CHN1: variants seen among roughly 807,000 people sequenced by gnomAD.
CHN1 encodes chimerin 1.
In CHN1, 37 loss-of-function variants were observed where a neutral mutation model predicts 59.5. The ratio of observed to expected loss-of-function variants is 0.62; its 90% CI spans 0.48 to 0.82. The LOEUF (loss-of-function observed/expected upper bound fraction) is 0.82. Among genes scored for constraint, CHN1 ranks in the 40% least tolerant of loss-of-function variants. The pLI is 0.00. For missense variants in CHN1, 469 were observed against 571.0 expected (o/e 0.82, Z 1.82); for synonymous variants, 206 against 200.4 (o/e 1.03, Z -0.24).
intron 5 of CHN1, among the ~76,000 whole-genome samples, chr2:174,914,506 G>A (rs1415008055): frequency 6.6e-6 from 1 of 152,160 alleles, no homozygotes; most frequent in African/African-American, 2.4e-5. Flanking sequence ...AAACAGGAAA[G>A]AAGGGGTAAG....
chr2:174,895,241 A>C (rs1688185461), intron 5 of CHN1, among the ~76,000 whole-genome samples: 1 of 147,788 alleles, frequency 6.8e-6, no homozygotes, highest in Non-Finnish European at 1.5e-5. Context: ...CACACACACA[A>C]TGGAGTATTA....
intron 6 of CHN1, among the ~76,000 whole-genome samples, chr2:174,851,551 G>T (rs1410916890): frequency 6.6e-6 from 1 of 152,076 alleles, no homozygotes; most frequent in Admixed American, 6.6e-5. Flanking sequence ...CAAAGTGCTG[G>T]GATTATAGGC....
In CHN1 at chr2:174,937,605, C is replaced by T. The variant is rs141649594; in HGVS notation, c.114+7283G>A. Among the ~76,000 whole-genome samples the T allele has an allele frequency of 6.5e-4, 99 of 152,058 alleles. 2 individuals are homozygous for T. The highest frequency in any genetic ancestry group is 3.4e-3 in the Middle Eastern group (1 of 294). ...TCTGATGTGGTTTGGGTGTTTGTTCCCTCCAAATCTCATGTTGAAATATGA... is the reference window on the plus strand; with the variant it reads ...TCTGATGTGGTTTGGGTGTTTGTTCTCTCCAAATCTCATGTTGAAATATGA... On this transcript the variant is annotated intron_variant, in intron 3 of 12. Transcript: ENST00000409900.
intron 6 of CHN1, among the ~76,000 whole-genome samples, chr2:174,873,259 A>G (rs1056142070): frequency 2.6e-5 from 4 of 152,132 alleles, no homozygotes; most frequent in African/African-American, 4.8e-5. Context: ...AACTTGGGGG[A>G]GAGCGAGAAG....
intron 3 of CHN1, among the ~76,000 whole-genome samples, chr2:174,941,430 C>T (rs1689660206): frequency 6.6e-6 from 1 of 152,140 alleles, no homozygotes; most frequent in South Asian, 2.1e-4. Flanking sequence ...CAATTCAAAA[C>T]TAATACCACA....
At chr2:174,947,052 T>C (rs1421751013) in intron 2 of CHN1, among the ~76,000 whole-genome samples, 1 of 152,186 alleles carries the variant, frequency 6.6e-6, no homozygotes, top group Non-Finnish European at 1.5e-5. Flanking sequence ...TGGAAAGTGC[T>C]GCCATCTATG....
At chr2:174,955,826 A>G (rs552122722) in intron 1 of CHN1, among the ~76,000 whole-genome samples, 4 of 152,288 alleles carry the variant, frequency 2.6e-5, no homozygotes, top group South Asian at 4.1e-4. Context: ...CTTCTCACTT[A>G]TAAGTGGAGC....
rs546510295 is a variant in CHN1, at chr2:174,961,661, A to T, written c.20-9459T>A. Among the ~76,000 whole-genome samples the T allele has an allele frequency of 1.4e-3, 208 of 152,186 alleles. 1 individual carries two copies. The highest frequency in any genetic ancestry group is 0.01 in the Middle Eastern group (3 of 294). On this transcript the variant is annotated intron_variant, in intron 1 of 12. Transcript: ENST00000409900. ...AAAAATAATAAGCCTATTATATCTT[A>T]ACATTTTTATGAAAAATAACCATAT...
intron 5 of CHN1, among the ~76,000 whole-genome samples, chr2:174,879,321 T>C (rs913951403): frequency 6.6e-6 from 1 of 152,220 alleles, no homozygotes; most frequent in South Asian, 2.1e-4. Context: ...TTTAAAATAA[T>C]AGCCAGACGA....
At chr2:174,848,222 T>G (rs929112076) in intron 6 of CHN1, among the ~76,000 whole-genome samples, 1 of 152,128 alleles carries the variant, frequency 6.6e-6, no homozygotes, top group Non-Finnish European at 1.5e-5. Context: ...TCAACATTTT[T>G]TTTATTCAGA....
Position 174,855,959 on chromosome 2 carries a change from T to C in CHN1, c.550-9002A>G, listed in dbSNP as rs1686886607. On this transcript the variant is annotated intron_variant, in intron 6 of 12. Transcript: ENST00000409900. ...CTCCTCTAGACTATCCTGCCTCTCA[T>C]ATTATCTGTTATTAACATGCCATTT... Among the ~76,000 whole-genome samples, 3 of 152,270 alleles carry C rather than the reference T, an allele frequency of 2.0e-5. No homozygotes were observed. The South Asian group carries it at 6.2e-4, about 32-fold the overall frequency.
In CHN1 at chr2:174,984,984, A is replaced by G. The variant is rs141037726; in HGVS notation, c.19+19910T>C. Among the ~76,000 whole-genome samples the G allele has an allele frequency of 1.8e-4, 27 of 152,324 alleles. No individual in the cohort carries two copies. The East Asian group carries it at 4.4e-3, about 25-fold the overall frequency. ...CTCTAAAATACATGGTTATAAGCTT[A>G]TATTTAGATTTTTGCAAGTCTTAGG... On this transcript the variant is annotated intron_variant, in intron 1 of 12. Transcript: ENST00000409900.
chr2:174,872,859 A>C (rs1475715472), intron 6 of CHN1, among the ~76,000 whole-genome samples: 3 of 152,180 alleles, frequency 2.0e-5, no homozygotes, highest in Non-Finnish European at 4.4e-5. Flanking sequence ...ATAATTCTTC[A>C]TGCAATGCTT....
At chr2:174,945,909 CTGTG>C (rs10691439) in intron 2 of CHN1, among the ~76,000 whole-genome samples, 1,520 of 149,932 alleles carry the variant, frequency 0.01, 14 homozygotes, top group Non-Finnish European at 0.013. Context: ...CATAATTAGC[CTGTG>C]TGTGTGTGTG....
chr2:174,848,271 T>G (rs1686608186), intron 6 of CHN1, among the ~76,000 whole-genome samples: 2 of 152,158 alleles, frequency 1.3e-5, no homozygotes, highest in South Asian at 4.1e-4. Flanking sequence ...CAGTTGGGAA[T>G]AATTCCTTAT....
intron 7 of CHN1, among the ~76,000 whole-genome samples, chr2:174,829,308 G>A (rs1685791506): frequency 6.6e-6 from 1 of 152,212 alleles, no homozygotes; most frequent in Admixed American, 6.5e-5. Flanking sequence ...GGACAGGGTG[G>A]GAAAGGGTGG....
At chr2:174,830,964 C>G (rs1417009767) in intron 7 of CHN1, among the ~76,000 whole-genome samples, 6 of 152,002 alleles carry the variant, frequency 3.9e-5, no homozygotes, top group African/African-American at 1.5e-4. Flanking sequence ...AGAGAAATAC[C>G]ATAAAAGCCT....
chr2:174,916,695 G>T (rs78959472), intron 4 of CHN1, among the ~76,000 whole-genome samples: 2,731 of 152,230 alleles, frequency 0.018, 79 homozygotes, highest in African/African-American at 0.062. Context: ...ATGACAGCTA[G>T]GTTTACAATG....
chr2:174,946,882 C>T (rs1010589782), intron 2 of CHN1, among the ~76,000 whole-genome samples: 5 of 131,872 alleles, frequency 3.8e-5, no homozygotes, highest in South Asian at 2.5e-4. Flanking sequence ...CATAGCGAGA[C>T]CCTGTCTCTA....
Sources: gnomAD v4.1 joint callset for allele counts (sites outside exome capture counted in the v4.1 genomes callset) on GRCh38, gnomAD v4.1.1 for gene constraint, MANE v1.5 for transcripts, NCBI Gene and HGNC (gene_info 2026-07-23, HGNC 2026-07-21) for gene names.